Variants in PDE1A observed in about 807,000 individuals in gnomAD.
PDE1A encodes the protein phosphodiesterase 1A.
In PDE1A, 35 loss-of-function variants were observed where a neutral mutation model predicts 61.7. That is an observed-to-expected ratio of 0.57 (90% confidence interval 0.43 to 0.75). The LOEUF (loss-of-function observed/expected upper bound fraction) is 0.75, where lower values mean the gene tolerates loss of function less well. PDE1A is among the 30% of genes least tolerant of loss of function. PDE1A has a pLI of 0.00. For missense variants in PDE1A, 597 were observed against 630.6 expected, an observed-to-expected ratio of 0.95 and a Z score of 0.57; for synonymous variants, 232 against 213.2, an observed-to-expected ratio of 1.09 and a Z score of -0.77.
the PDE1A span, among the ~76,000 whole-genome samples, chr2:182,551,595 G>A: frequency 6.6e-6 from 1 of 152,160 alleles, no homozygotes; most frequent in African/African-American, 2.4e-5. Flanking sequence ...TGCAGAGAAG[G>A]AATGCCCTCT....
At chr2:182,634,099 G>GA in the PDE1A span, among the ~76,000 whole-genome samples, 435 of 137,572 alleles carry the variant, frequency 3.2e-3, 2 homozygotes, top group Non-Finnish European at 5.2e-3. Context: ...CAAAAAACAA[G>GA]AAAAAAAAAA....
At chr2:182,477,209 A>G (rs555355548) in intron 2 of PDE1A, among the ~76,000 whole-genome samples, 1 of 152,078 alleles carries the variant, frequency 6.6e-6, no homozygotes, top group East Asian at 1.9e-4. Flanking sequence ...GTAATGCAAA[A>G]TAATTCATAT....
At chr2:182,347,095 T>A (rs907851698) in intron 1 of PDE1A, among the ~76,000 whole-genome samples, 1 of 148,680 alleles carries the variant, frequency 6.7e-6, no homozygotes, top group Non-Finnish European at 1.5e-5. Context: ...CTCATCTATG[T>A]CAGAAAGAAA....
rs111979949 is a variant in PDE1A, at chr2:182,201,650, C to CAGAAAA, written c.1004+37_1004+38insTTTTCT. On this transcript the variant is annotated intron_variant, in intron 9 of 13. Transcript: ENST00000351439. ...CCAAGCCCCTGGAACTTTAACATGA[C>CAGAAAA]AAAAAAAAAAAAACAACAAAAAAAA... 1.0e-5 allele frequency: 13 copies of CAGAAAA among 1,268,334 alleles called. No individual in the cohort carries two copies. In the African/African-American group the frequency reaches 1.8e-4, roughly 17 times the overall value. The allele number at this position is 1,268,334 out of a possible 1,614,324, so 78.6% of individuals were successfully genotyped here.
At chr2:182,464,164 TATC>T (rs1455326003) in intron 2 of PDE1A, among the ~76,000 whole-genome samples, 1 of 152,188 alleles carries the variant, frequency 6.6e-6, no homozygotes, top group Admixed American at 6.5e-5. Flanking sequence ...AGGCTACTGA[TATC>T]ATGGAGATTC....
chr2:182,606,003 GTCAATAGGATATCATGCCATTACTGT>G, the PDE1A span, among the ~76,000 whole-genome samples: 1 of 151,926 alleles, frequency 6.6e-6, no homozygotes, highest in African/African-American at 2.4e-5. Flanking sequence ...CTGTGACTTT[GTCAATAGGATATCATGCCATTACTGT>G]TCAATAGGAT....
At chr2:182,330,473 C>A (rs1697332802) in intron 1 of PDE1A, among the ~76,000 whole-genome samples, 1 of 152,118 alleles carries the variant, frequency 6.6e-6, no homozygotes, top group South Asian at 2.1e-4. Context: ...CACTCTCTAG[C>A]CTTCTCAGTC....
intron 1 of PDE1A, among the ~76,000 whole-genome samples, chr2:182,304,978 C>A (rs1695483836): frequency 6.6e-6 from 1 of 152,052 alleles, no homozygotes; most frequent in African/African-American, 2.4e-5. Flanking sequence ...TATATAAAGA[C>A]CCCAACTCCA....
intron 6 of PDE1A, among the ~76,000 whole-genome samples, chr2:182,224,412 TCTTA>T (rs1313181727): frequency 1.3e-5 from 2 of 151,944 alleles, no homozygotes; most frequent in Non-Finnish European, 2.9e-5. Context: ...ATATTCACTT[TCTTA>T]CTAGAGAAAG....
intron 13 of PDE1A, among the ~76,000 whole-genome samples, chr2:182,184,339 A>G (rs914432840): frequency 3.9e-5 from 6 of 152,232 alleles, no homozygotes; most frequent in African/African-American, 1.2e-4. Flanking sequence ...AAAGAAAAAG[A>G]TAATACTCAG....
At chr2:182,425,983 C>T (rs1471806697) in intron 1 of PDE1A, among the ~76,000 whole-genome samples, 1 of 152,168 alleles carries the variant, frequency 6.6e-6, no homozygotes, top group Non-Finnish European at 1.5e-5. Flanking sequence ...GTGTACCTCC[C>T]TCCAAAATTA....
chr2:182,324,026 T>C (rs1055869135), intron 1 of PDE1A, among the ~76,000 whole-genome samples: 12 of 152,106 alleles, frequency 7.9e-5, no homozygotes, highest in African/African-American at 2.4e-4. Flanking sequence ...TTAAGAACCA[T>C]AGGAGAGTGA....
intron 2 of PDE1A, among the ~76,000 whole-genome samples, chr2:182,243,200 A>G (rs1382078596): frequency 6.6e-6 from 1 of 152,180 alleles, no homozygotes; most frequent in Non-Finnish European, 1.5e-5. Flanking sequence ...TGTCAAACTA[A>G]ATGAAGTGAT....
At chr2:182,713,137 A>G in the PDE1A span, among the ~76,000 whole-genome samples, 1 of 152,088 alleles carries the variant, frequency 6.6e-6, no homozygotes, top group Non-Finnish European at 1.5e-5. Context: ...TTGCCCATAT[A>G]TGTTAAATTT....
At chr2:182,413,288 T>G (rs1185597007) in intron 1 of PDE1A, among the ~76,000 whole-genome samples, 3 of 152,154 alleles carry the variant, frequency 2.0e-5, no homozygotes, top group African/African-American at 7.2e-5. Context: ...GTTTAAAGAC[T>G]AATCTGATAA....
At chr2:182,542,190 T>A in the PDE1A span, among the ~76,000 whole-genome samples, 7 of 152,184 alleles carry the variant, frequency 4.6e-5, no homozygotes, top group Admixed American at 4.6e-4. Flanking sequence ...ACCTATGCGA[T>A]TTCAGAGAAA....
the PDE1A span, among the ~76,000 whole-genome samples, chr2:182,687,899 G>A: frequency 6.6e-5 from 10 of 152,156 alleles, no homozygotes; most frequent in African/African-American, 1.9e-4. Flanking sequence ...CTTCGTAGCC[G>A]ATTCGATCAA....
At chr2:182,225,537 G>A (rs1397959586) in intron 6 of PDE1A, among the ~76,000 whole-genome samples, 1 of 151,912 alleles carries the variant, frequency 6.6e-6, no homozygotes, top group Non-Finnish European at 1.5e-5. Flanking sequence ...AGAGGCAACA[G>A]TGGTAAGAGA....
the PDE1A span, among the ~76,000 whole-genome samples, chr2:182,714,343 T>C: frequency 6.6e-6 from 1 of 152,202 alleles, no homozygotes; most frequent in Non-Finnish European, 1.5e-5. Context: ...CTGATGATTT[T>C]TCTCCTATTT....
Sources: allele counts gnomAD v4.1 joint callset (sites outside exome capture counted in the v4.1 genomes callset), GRCh38; gene constraint gnomAD v4.1.1; transcripts MANE v1.5; gene names NCBI Gene and HGNC (gene_info 2026-07-23, HGNC 2026-07-21).